NUP93: variants seen among roughly 807,000 people sequenced by gnomAD.
NUP93 encodes nucleoporin 93, also known as nuclear pore complex protein Nup93.
NUP93 carries 55 observed loss-of-function variants against 107.8 expected under a neutral mutation model. The observed-to-expected ratio is 0.51, with a 90% confidence interval of 0.41 to 0.64. The LOEUF (loss-of-function observed/expected upper bound fraction) is 0.64. Ranked by LOEUF, NUP93 falls within the 30% of genes least tolerant of loss-of-function variation. The pLI, the probability that NUP93 is intolerant of heterozygous loss-of-function variation, is 0.00. For missense variants in NUP93, 937 were observed against 1,044.7 expected (o/e 0.90, Z 1.42); for synonymous variants, 390 against 397.5 (o/e 0.98, Z 0.22).
chr16:56,830,136 A>G (rs1354800257), intron 9 of NUP93, among the ~76,000 whole-genome samples: 1 of 152,206 alleles, frequency 6.6e-6, no homozygotes, highest in African/African-American at 2.4e-5. Context: ...CTGGTCAGTG[A>G]CATCTTTAGC....
chr16:56,811,323 GTGTT>G (rs1485139028), intron 5 of NUP93, among the ~76,000 whole-genome samples: 1 of 152,166 alleles, frequency 6.6e-6, no homozygotes, highest in African/African-American at 2.4e-5. Flanking sequence ...GTGGAACCTT[GTGTT>G]TTTATAGGCC....
chr16:56,841,583 C>A, intron 20 of NUP93, 122 bp from the exon 21 acceptor site: 1 of 1,236,762 alleles, frequency 8.1e-7, no homozygotes, highest in Non-Finnish European at 1.1e-6. Context: ...TGTGGCTCTC[C>A]ACCTGGCAAT....
intron 21 of NUP93, among the ~76,000 whole-genome samples, chr16:56,843,611 T>G (rs1275442670): frequency 6.6e-6 from 1 of 152,234 alleles, no homozygotes; most frequent in African/African-American, 2.4e-5. Context: ...TAGAGCTCAT[T>G]TAACGAGAGC....
At chr16:56,789,001 G>T (rs889054968) in intron 3 of NUP93, among the ~76,000 whole-genome samples, 1 of 152,144 alleles carries the variant, frequency 6.6e-6, no homozygotes, top group South Asian at 2.1e-4. Context: ...TTGAAGTTGG[G>T]TTTTTGTTGC....
intron 3 of NUP93, among the ~76,000 whole-genome samples, chr16:56,774,726 A>G (rs997560074): frequency 2.0e-5 from 3 of 152,194 alleles, no homozygotes; most frequent in Middle Eastern, 3.4e-3. Flanking sequence ...GTATTTTCTC[A>G]TTTCGCAGAT....
intron 5 of NUP93, among the ~76,000 whole-genome samples, chr16:56,815,893 C>G (rs1411142627): frequency 1.5e-4 from 20 of 137,886 alleles, no homozygotes; most frequent in South Asian, 7.2e-4. Flanking sequence ...GCTGCTGCTG[C>G]TGCTGGTGCT....
At chr16:56,734,226 G>C (rs537917454) in intron 1 of NUP93, among the ~76,000 whole-genome samples, 39 of 152,236 alleles carry the variant, frequency 2.6e-4, no homozygotes, top group Non-Finnish European at 4.4e-4. Context: ...GTGCTGAGAA[G>C]CTTCTTTAAA....
chr16:56,788,136 C>A (rs1962670653), intron 3 of NUP93, among the ~76,000 whole-genome samples: 1 of 152,204 alleles, frequency 6.6e-6, no homozygotes, highest in South Asian at 2.1e-4. Context: ...GGGGTTACCT[C>A]AGCAGTCTGA....
At chr16:56,768,822 G>A (rs1962266699) in intron 3 of NUP93, among the ~76,000 whole-genome samples, 1 of 145,908 alleles carries the variant, frequency 6.9e-6, no homozygotes, top group South Asian at 2.2e-4. Context: ...AGCCGAGATT[G>A]CCCCACTGCA....
Position 56,836,477 on chromosome 16 carries a change from G to A in NUP93, c.1783-124G>A, listed in dbSNP as rs114362815. On this transcript the variant is annotated intron_variant, in intron 16 of 21. Coordinates refer to ENST00000308159, the MANE Select transcript of NUP93 (RefSeq NM_014669.5). ...AGAGTCTGGCTGATGAAATATATGC[G>A]TTGCCCAGGGCAAGCAATTCCACTT... The A allele has an allele frequency of 2.2e-3, 1,444 of 664,710 alleles. 23 individuals carry two copies. In the African/African-American group the frequency reaches 0.022, roughly 10 times the overall value. The allele number at this position is 664,710 out of a possible 1,614,324, so 41.2% of individuals were successfully genotyped here.
intron 1 of NUP93, among the ~76,000 whole-genome samples, chr16:56,740,104 G>A (rs1305917106): frequency 2.0e-5 from 2 of 101,234 alleles, no homozygotes; most frequent in African/African-American, 8.6e-5. Context: ...CCCGGACGGG[G>A]CGGCTGGCCA....
At chr16:56,808,291 T>C (rs369831548) in intron 5 of NUP93, among the ~76,000 whole-genome samples, 15 of 21,244 alleles carry the variant, frequency 7.1e-4, no homozygotes, top group African/African-American at 2.3e-3. Flanking sequence ...TATATAGTTA[T>C]GTAACTATAT....
At chr16:56,794,584 TAGAGAGAGAGAGAG>T (rs10596725) in intron 3 of NUP93, among the ~76,000 whole-genome samples, 2 of 148,112 alleles carry the variant, frequency 1.4e-5, no homozygotes, top group Middle Eastern at 3.4e-3. Flanking sequence ...GTGTGTGTGA[TAGAGAGAGAGAGAG>T]AGAGAGAGAG....
At position 56,848,285 on chromosome 16, in the gene NUP93, G is replaced by A. The variant is rs1393613904; in HGVS notation, c.*3676G>A. 1 of 152,186 alleles carries A rather than the reference G, an allele frequency of 6.6e-6. No individual in the cohort carries two copies. The highest frequency in any genetic ancestry group is 1.5e-5 in the Non-Finnish European group (1 of 68,036). 9.4% of individuals were successfully genotyped at this position (152,186 alleles called of 1,614,324 possible). On this transcript the variant is annotated 3_prime_UTR_variant, in exon 22 of 22. Coordinates refer to ENST00000308159, the MANE Select transcript of NUP93 (RefSeq NM_014669.5). ...TCTTGGCAGTCCCCACACTGACTGC[G>A]AACTCTCCCTTAGCCTCAGTCAGCT...
intron 20 of NUP93, 113 bp from the exon 21 acceptor site, chr16:56,841,592 A>G (rs1239450142): frequency 2.3e-6 from 3 of 1,311,214 alleles, no homozygotes; most frequent in South Asian, 2.9e-5. Context: ...CCACCTGGCA[A>G]TGGTGAGGAG....
chr16:56,761,054 C>G (rs546004434), intron 3 of NUP93, among the ~76,000 whole-genome samples: 1 of 152,142 alleles, frequency 6.6e-6, no homozygotes, highest in East Asian at 1.9e-4. Context: ...TCCAAGATAA[C>G]TTTTGATTAA....
intron 8 of NUP93, among the ~76,000 whole-genome samples, chr16:56,825,205 CTTTTTTTT>C (rs34378384): frequency 1.3e-5 from 1 of 76,344 alleles, no homozygotes; most frequent in African/African-American, 5.4e-5. Context: ...CCATACCCAG[CTTTTTTTT>C]TTTTTTTTTT....
chr16:56,763,012 C>T (rs539784865), intron 3 of NUP93, among the ~76,000 whole-genome samples: 1 of 152,228 alleles, frequency 6.6e-6, no homozygotes, highest in Admixed American at 6.5e-5. Flanking sequence ...GCCCTATTTC[C>T]AAGTAAGGTC....
intron 2 of NUP93, among the ~76,000 whole-genome samples, chr16:56,752,665 T>C (rs1455740032): frequency 6.6e-6 from 1 of 152,104 alleles, no homozygotes; most frequent in Non-Finnish European, 1.5e-5. Flanking sequence ...CTAAAATCCA[T>C]ATAGAGATAC....
Sources: allele counts gnomAD v4.1 joint callset (sites outside exome capture counted in the v4.1 genomes callset), GRCh38; gene constraint gnomAD v4.1.1; transcripts MANE v1.5; gene names NCBI Gene and HGNC (gene_info 2026-07-23, HGNC 2026-07-21).